SLC25A18: variants seen among roughly 807,000 people sequenced by gnomAD.
SLC25A18 encodes solute carrier family 25 member 18.
Under a neutral mutation model 31.1 loss-of-function variants are expected in SLC25A18, and 24 were observed. That is an observed-to-expected ratio of 0.77 (90% confidence interval 0.56 to 1.08). SLC25A18 has a LOEUF of 1.08. SLC25A18 is among the 50% of genes least tolerant of loss of function. The probability of loss-of-function intolerance (pLI) is 0.00; values close to 1 mark genes in which losing one functional copy is unlikely to be tolerated. For missense variants in SLC25A18, 371 were observed against 418.5 expected (o/e 0.89, Z 0.99); for synonymous variants, 173 against 161.9 (o/e 1.07, Z -0.52).
chr22:17,590,282 C>CTGTT lies in SLC25A18; in HGVS notation c.*48_*51dup. 6.2e-7 allele frequency: 1 copy of CTGTT among 1,612,302 alleles called. No individual in the cohort carries two copies. The highest frequency in any genetic ancestry group is 8.5e-7 in the Non-Finnish European group (1 of 1,178,908). ...CCTGCGCTTGCCGCCCTCTCTCTAGCTGTTTCACTTAGCCTAGAGGGGGCA... is the reference window on the plus strand; with the variant it reads ...CCTGCGCTTGCCGCCCTCTCTCTAGCTGTTTGTTTCACTTAGCCTAGAGGGGGCA... On this transcript the variant is annotated 3_prime_UTR_variant, in exon 11 of 11. Coordinates refer to ENST00000327451, the MANE Select transcript of SLC25A18 (RefSeq NM_031481.3).
At chr22:17,572,848 A>G (rs186427102) in intron 2 of SLC25A18, among the ~76,000 whole-genome samples, 127 of 151,200 alleles carry the variant, frequency 8.4e-4, no homozygotes, top group African/African-American at 3.0e-3. Flanking sequence ...TCACCGTGTT[A>G]GCCAGGATGG....
chr22:17,569,667 C>T, intron 1 of SLC25A18: 1 of 985,470 alleles, frequency 1.0e-6, no homozygotes, highest in Non-Finnish European at 1.2e-6. Context: ...TTTTCCCAGC[C>T]TGGACTTTTT....
chr22:17,583,805 G>A (rs188447867), intron 7 of SLC25A18, among the ~76,000 whole-genome samples: 169 of 152,162 alleles, frequency 1.1e-3, no homozygotes, highest in African/African-American at 3.9e-3. Flanking sequence ...TTAGCCGGGC[G>A]TGGTGGTGCA....
chr22:17,579,932 C>A lies in SLC25A18; in HGVS notation c.-13C>A, dbSNP rs2057327800. The A allele has an allele frequency of 6.2e-7, 1 of 1,609,272 alleles. No individual in the cohort carries two copies. Among genetic ancestry groups the A allele is most frequent in the Non-Finnish European group, 8.5e-7 (1 of 1,178,450 alleles). ...CAGCAGCCTTGTGTCCTGGGATCCCCAGCCCCTGCAGAATGACCCACCAGG... is the reference window on the plus strand; with the variant it reads ...CAGCAGCCTTGTGTCCTGGGATCCCAAGCCCCTGCAGAATGACCCACCAGG... On this transcript the variant is annotated 5_prime_UTR_variant, in exon 3 of 11. Transcript: ENST00000327451.
intron 2 of SLC25A18, among the ~76,000 whole-genome samples, chr22:17,574,934 CT>C (rs1203213219): frequency 6.6e-6 from 1 of 151,692 alleles, no homozygotes; most frequent in Non-Finnish European, 1.5e-5. Context: ...TCACTGCAAC[CT>C]CCGCCTCCCA....
chr22:17,572,702 C>T (rs1444646150), intron 2 of SLC25A18, among the ~76,000 whole-genome samples: 18 of 119,996 alleles, frequency 1.5e-4, no homozygotes, highest in East Asian at 2.7e-4. Flanking sequence ...AGTGCAGTGG[C>T]GCGATCTCGG....
At position 17,581,049 on chromosome 22, in the gene SLC25A18, A is replaced by G; in HGVS notation, c.33A>G (p.Lys11=). MTHQDLSITA[K]LINGGVAGLV... ...CCCCCTGTCCTAGCATCACAGCCAA[A>G]CTCATCAATGGAGGTGTAGCAGGGC... is the stretch of plus-strand genomic sequence containing the variant. Residue 11 remains lysine (K), a synonymous_variant, in exon 4 of 11, where the codon AAA becomes AAG. Transcript: ENST00000327451. 4.5e-6 allele frequency: 7 copies of G among 1,552,996 alleles called. No homozygotes were observed. Among genetic ancestry groups the G allele is most frequent in the Non-Finnish European group, 5.2e-6 (6 of 1,147,384 alleles).
intron 9 of SLC25A18, chr22:17,588,952 TA>T (rs1394171265): frequency 4.6e-5 from 7 of 150,762 alleles, no homozygotes; most frequent in Admixed American, 4.6e-4. Flanking sequence ...TAGTCCCAGC[TA>T]CTCGGGAGGC....
At chr22:17,576,348 C>T (rs1355540951) in intron 2 of SLC25A18, among the ~76,000 whole-genome samples, 13 of 149,812 alleles carry the variant, frequency 8.7e-5, no homozygotes, top group Non-Finnish European at 4.4e-5. Flanking sequence ...AGTGAGACTC[C>T]GTCTCAAAAA....
At position 17,588,403 on chromosome 22, in the gene SLC25A18, T is replaced by G. The variant is rs886600885; in HGVS notation, c.730+324T>G. 9 of 275,120 alleles carry G rather than the reference T, an allele frequency of 3.3e-5. No homozygotes were observed. In the Admixed American group the frequency reaches 4.8e-4, roughly 15 times the overall value. 17.0% of individuals were successfully genotyped at this position (275,120 alleles called of 1,614,324 possible). A position where few individuals can be genotyped will look rare whatever the true frequency, so the allele number is the denominator to read the frequency against. The stretch of plus-strand genomic sequence containing the variant: ...GGCTCACGCTTGCAATCCCAGCACT[T>G]TGGGAGCCCAGCACTTTTGGATCAC... On this transcript the variant is annotated intron_variant, in intron 9 of 10. Transcript: ENST00000327451.
At position 17,581,379 on chromosome 22, in the gene SLC25A18, G is replaced by T; in HGVS notation, c.165G>T (p.Thr55=). The change falls in exon 5 of 11, where the codon ACG becomes ACT. Residue 55 remains threonine (T), a synonymous_variant. Transcript: ENST00000327451. ...YKGMIDCLMK[T]ARAEGFFGMY... ...CCAGGATCGACTGCCTGATGAAGAC[G>T]GCTCGGGCGGAGGGCTTCTTCGGCA... 1 of 1,614,102 alleles carries T rather than the reference G, an allele frequency of 6.2e-7. No homozygotes were observed. Among genetic ancestry groups the T allele is most frequent in the Non-Finnish European group, 8.5e-7 (1 of 1,180,016 alleles).
At position 17,563,680 on chromosome 22, in the gene SLC25A18, G is replaced by C. The variant is rs932325042; in HGVS notation, c.-297G>C. On this transcript the variant is annotated 5_prime_UTR_variant, in exon 1 of 11. Coordinates refer to ENST00000327451, the MANE Select transcript of SLC25A18 (RefSeq NM_031481.3). The stretch of plus-strand genomic sequence containing the variant: ...GGCCCGTGAGTGCCTCAACAACTGA[G>C]ATGAACGTCGACTCGCTTGCAGGCA... The C allele has an allele frequency of 3.6e-5, 35 of 985,388 alleles. No homozygotes were observed. The African/African-American group carries it at 5.9e-4, about 17-fold the overall frequency. 61.0% of individuals were successfully genotyped at this position (985,388 alleles called of 1,614,324 possible).
chr22:17,585,650 A>ATTTTT (rs143835144), intron 7 of SLC25A18, among the ~76,000 whole-genome samples: 7 of 137,222 alleles, frequency 5.1e-5, no homozygotes, highest in African/African-American at 2.0e-4. Context: ...TATTATTATT[A>ATTTTT]TTTTTTTTTT....
At chr22:17,565,206 G>C (rs1601244584) in intron 1 of SLC25A18, among the ~76,000 whole-genome samples, 1 of 151,868 alleles carries the variant, frequency 6.6e-6, no homozygotes, top group African/African-American at 2.4e-5. Flanking sequence ...TCAGCCTCCC[G>C]AGTAGCTGGG....
chr22:17,581,470 G>T, intron 5 of SLC25A18, 57 bp downstream of exon 5: 1 of 1,588,258 alleles, frequency 6.3e-7, no homozygotes, highest in South Asian at 1.1e-5. Context: ...TATGGGACAT[G>T]GGGAACTGGT....
At chr22:17,577,049 G>C (rs1469189808) in intron 2 of SLC25A18, among the ~76,000 whole-genome samples, 3 of 151,432 alleles carry the variant, frequency 2.0e-5, no homozygotes, top group Non-Finnish European at 4.4e-5. Context: ...GGGGGACAGA[G>C]TCTCACTGTG....
intron 1 of SLC25A18, 71 bp from the exon 2 acceptor site, chr22:17,569,853 G>T: frequency 1.0e-6 from 1 of 985,512 alleles, no homozygotes; most frequent in Non-Finnish European, 1.2e-6. Context: ...GGAGGCAGAG[G>T]GAGGGAAACT....
chr22:17,583,434 G>A lies in SLC25A18; in HGVS notation c.309G>A (p.Lys103=). The stretch of plus-strand genomic sequence containing the variant: ...CCCATAGGATGCAGCGGAACCTGAA[G>A]ATGGAGATGCTTGCCGGGTGTGGGG... ...LMEDGMQRNL[K]MEMLAGCGAG... The change falls in exon 7 of 11, where the codon AAG becomes AAA. Residue 103 remains lysine (K), a synonymous_variant. Coordinates refer to ENST00000327451, the MANE Select transcript of SLC25A18 (RefSeq NM_031481.3). 6.2e-7 allele frequency: 1 copy of A among 1,614,138 alleles called. No individual in the cohort carries two copies. Among genetic ancestry groups the A allele is most frequent in the African/African-American group, 1.3e-5 (1 of 75,066 alleles).
At chr22:17,569,501 C>T (rs1057008356) in intron 1 of SLC25A18, 11 of 556,544 alleles carry the variant, frequency 2.0e-5, no homozygotes, top group Non-Finnish European at 2.5e-5. Flanking sequence ...AAGAAAAGTG[C>T]ATGAGACTGA....
Sources: allele counts gnomAD v4.1 joint callset (sites outside exome capture counted in the v4.1 genomes callset), GRCh38; gene constraint gnomAD v4.1.1; transcripts MANE v1.5; gene names NCBI Gene and HGNC (gene_info 2026-07-23, HGNC 2026-07-21).